Variants in SIL1 observed in about 807,000 individuals in gnomAD.
SIL1 encodes SIL1 nucleotide exchange factor, also known as nucleotide exchange factor SIL1.
SIL1 carries 40 observed loss-of-function variants against 49.1 expected under a neutral mutation model. The observed-to-expected ratio is 0.81, with a 90% CI of 0.63 to 1.06. SIL1 has a LOEUF of 1.06. Ranked by LOEUF, SIL1 falls within the 50% of genes least tolerant of loss-of-function variation. The pLI is 0.00. For missense variants in SIL1, 500 were observed against 572.6 expected, an observed-to-expected ratio of 0.87 and a Z score of 1.29; for synonymous variants, 253 against 250.8, an observed-to-expected ratio of 1.01 and a Z score of -0.08.
intron 1 of SIL1, among the ~76,000 whole-genome samples, chr5:139,169,475 GA>G (rs1485942836): frequency 2.5e-5 from 3 of 120,674 alleles, no homozygotes; most frequent in East Asian, 4.1e-4. Flanking sequence ...TATATAGATA[GA>G]TTTTTTTTTT....
chr5:138,949,066 C>T (rs746396606), intron 9 of SIL1, among the ~76,000 whole-genome samples: 9 of 152,248 alleles, frequency 5.9e-5, no homozygotes, highest in Non-Finnish European at 8.8e-5. Context: ...ACAACACAAG[C>T]TCAGGGGAAT....
At chr5:139,088,944 G>A (rs904706004) in intron 3 of SIL1, among the ~76,000 whole-genome samples, 1 of 152,078 alleles carries the variant, frequency 6.6e-6, no homozygotes, top group Non-Finnish European at 1.5e-5. Context: ...TGTAGGGGTC[G>A]ATCTCTAATA....
At chr5:139,037,610 T>C (rs1268021471) in intron 5 of SIL1, among the ~76,000 whole-genome samples, 1 of 152,224 alleles carries the variant, frequency 6.6e-6, no homozygotes, top group African/African-American at 2.4e-5. Flanking sequence ...TTCTTTTCTC[T>C]GTCATCTCTG....
chr5:139,114,191 G>A (rs1183784834), intron 3 of SIL1, among the ~76,000 whole-genome samples: 2 of 152,220 alleles, frequency 1.3e-5, no homozygotes, highest in Non-Finnish European at 2.9e-5. Context: ...GCTGCAAAGT[G>A]GCCTCAGTCT....
At chr5:139,043,328 C>T (rs1769086335) in intron 4 of SIL1, among the ~76,000 whole-genome samples, 1 of 152,184 alleles carries the variant, frequency 6.6e-6, no homozygotes, top group Non-Finnish European at 1.5e-5. Context: ...AGGGCAGGAC[C>T]TCTCAGAGGG....
intron 3 of SIL1, among the ~76,000 whole-genome samples, chr5:139,119,620 G>C (rs1323466049): frequency 6.6e-6 from 1 of 152,162 alleles, no homozygotes; most frequent in Non-Finnish European, 1.5e-5. Context: ...AATTAGCTGG[G>C]TGTGGTGGCT....
intron 7 of SIL1, among the ~76,000 whole-genome samples, chr5:138,979,499 A>G (rs1432488557): frequency 3.3e-5 from 5 of 151,400 alleles, no homozygotes; most frequent in Admixed American, 1.3e-4. Context: ...GGTAGTCATG[A>G]CTTTTTTAAA....
In SIL1 at chr5:138,948,693, C is replaced by G. The variant is rs1190245549; in HGVS notation, c.1030-1220G>C. 6.6e-6 allele frequency among the ~76,000 whole-genome samples: 1 copy of G among 152,194 alleles called. No homozygotes were observed. Among genetic ancestry groups the G allele is most frequent in the African/African-American group, 2.4e-5 (1 of 41,444 alleles). ...ACCTCACCGCCACTGACCGGCCTCC[C>G]CTGACTGGCCTTCTCTGCTTATATG... On this transcript the variant is annotated intron_variant, in intron 9 of 9. Transcript: ENST00000394817. This position sits in a 1 kb window ranked among gnomAD's most constrained non-coding sequence, Gnocchi z 4.8.
chr5:139,145,950 TTG>T (rs1201067925), intron 1 of SIL1, among the ~76,000 whole-genome samples: 1 of 150,432 alleles, frequency 6.6e-6, no homozygotes, highest in Non-Finnish European at 1.5e-5. Flanking sequence ...ATTTTATGCT[TTG>T]TGTGTGTGTA....
intron 7 of SIL1, among the ~76,000 whole-genome samples, chr5:138,996,111 T>TA (rs1477789221): frequency 6.6e-6 from 1 of 152,232 alleles, no homozygotes; most frequent in Non-Finnish European, 1.5e-5. Context: ...GGAAACTTCA[T>TA]ACAGTTTTCC....
intron 1 of SIL1, among the ~76,000 whole-genome samples, chr5:139,134,479 C>G (rs557228644): frequency 1.3e-5 from 2 of 152,222 alleles, no homozygotes; most frequent in African/African-American, 2.4e-5. Flanking sequence ...GCCCTGGACC[C>G]GCAGCCCATC....
intron 3 of SIL1, among the ~76,000 whole-genome samples, chr5:139,077,083 G>A (rs999317832): frequency 2.6e-5 from 4 of 152,070 alleles, no homozygotes; most frequent in Middle Eastern, 3.4e-3. Flanking sequence ...GCAGTGAGCC[G>A]AGACCATACC....
chr5:138,953,874 C>T (rs926397119), intron 7 of SIL1, among the ~76,000 whole-genome samples: 4 of 152,356 alleles, frequency 2.6e-5, no homozygotes, highest in African/African-American at 9.6e-5. Context: ...GATCTGACAT[C>T]GCATCAGCCT....
intron 4 of SIL1, among the ~76,000 whole-genome samples, chr5:139,043,750 T>C (rs979643498): frequency 6.6e-6 from 1 of 152,224 alleles, no homozygotes; most frequent in African/African-American, 2.4e-5. Context: ...ACATCCATCA[T>C]GTGGGAGCAA....
intron 7 of SIL1, among the ~76,000 whole-genome samples, chr5:138,955,032 A>G (rs966484624): frequency 6.6e-6 from 1 of 151,990 alleles, no homozygotes; most frequent in African/African-American, 2.4e-5. Flanking sequence ...TCGAGCACAT[A>G]TCATGTATGG....
chr5:139,079,396 G>T (rs1313622376), intron 3 of SIL1, among the ~76,000 whole-genome samples: 1 of 152,176 alleles, frequency 6.6e-6, no homozygotes, highest in East Asian at 1.9e-4. Flanking sequence ...CTGAGGACAA[G>T]AATTATGGGT....
chr5:138,962,106 G>A (rs959105781), intron 7 of SIL1, among the ~76,000 whole-genome samples: 1 of 151,488 alleles, frequency 6.6e-6, no homozygotes, highest in African/African-American at 2.4e-5. Flanking sequence ...AGAATTTATT[G>A]GTTTCTTTTT....
At chr5:139,084,551 G>A (rs1368940839) in intron 3 of SIL1, among the ~76,000 whole-genome samples, 8 of 113,758 alleles carry the variant, frequency 7.0e-5, no homozygotes, top group African/African-American at 1.4e-4. Context: ...ACCAAACACC[G>A]CATATTCTCA....
intron 1 of SIL1, among the ~76,000 whole-genome samples, chr5:139,168,968 A>C (rs1338945311): frequency 6.6e-6 from 1 of 152,040 alleles, no homozygotes; most frequent in Non-Finnish European, 1.5e-5. Flanking sequence ...AAAAAAAAAA[A>C]AAAAAACTGA....
Sources: gnomAD v4.1 joint callset for allele counts (sites outside exome capture counted in the v4.1 genomes callset) on GRCh38, gnomAD v4.1.1 for gene constraint, Gnocchi (gnomAD v3.1) non-coding constraint, MANE v1.5 for transcripts, NCBI Gene and HGNC (gene_info 2026-07-23, HGNC 2026-07-21) for gene names.